Variants in LDB2 observed in about 807,000 individuals in gnomAD.
The protein encoded by LDB2 is LIM domain binding 2, also known as LIM domain-binding protein 2.
In LDB2, 12 loss-of-function variants were observed where a neutral mutation model predicts 44.3. That is an observed-to-expected ratio of 0.27 (90% CI 0.17 to 0.44). LDB2 has a LOEUF of 0.44. Among genes scored for constraint, LDB2 ranks in the 20% least tolerant of loss-of-function variants. The pLI is 1.00. For synonymous variants in LDB2, 164 were observed against 174.8 expected (o/e 0.94, Z 0.49); for missense variants, 344 against 473.5 (o/e 0.73, Z 2.54).
intron 1 of LDB2, among the ~76,000 whole-genome samples, chr4:16,780,892 T>C (rs1400598485): frequency 6.6e-6 from 1 of 152,140 alleles, no homozygotes; most frequent in African/African-American, 2.4e-5. Context: ...TTATCCACAG[T>C]GAGATGTCTA....
rs1033327449 is a variant in LDB2 at position 16,574,770 on chromosome 4, G to C, written c.615+11152C>G. 4.6e-5 allele frequency among the ~76,000 whole-genome samples: 7 copies of C among 152,218 alleles called. No homozygotes were observed. The East Asian group carries it at 7.7e-4, about 17-fold the overall frequency. ...TTATTATGCTTCTTCTGTTTGCCAG[G>C]CTCTTTCAAACTGTGGTCCATCTAA... On this transcript the variant is annotated intron_variant, in intron 5 of 7. Coordinates refer to ENST00000304523, the MANE Select transcript of LDB2 (RefSeq NM_001290.5).
intron 5 of LDB2, among the ~76,000 whole-genome samples, chr4:16,528,372 T>TA (rs1728978295): frequency 6.6e-6 from 1 of 152,334 alleles, no homozygotes; most frequent in East Asian, 1.9e-4. Context: ...AAAAATATTT[T>TA]AAATAAGGTA....
chr4:16,806,360 T>A (rs1778794490), intron 1 of LDB2, among the ~76,000 whole-genome samples: 1 of 152,192 alleles, frequency 6.6e-6, no homozygotes, highest in African/African-American at 2.4e-5. Context: ...GTGGGGTGTA[T>A]CTTTCTTTGT....
At chr4:16,830,896 G>GTTTAATT (rs1213105228) in intron 1 of LDB2, among the ~76,000 whole-genome samples, 1 of 152,178 alleles carries the variant, frequency 6.6e-6, no homozygotes, top group East Asian at 1.9e-4. Context: ...AGGCTGCAGG[G>GTTTAATT]TTGAGAATAA....
intron 1 of LDB2, among the ~76,000 whole-genome samples, chr4:16,871,287 G>A (rs56200594): frequency 0.21 from 31,415 of 152,078 alleles, 3,853 homozygotes; most frequent in South Asian, 0.4. Flanking sequence ...GCCATAGTGG[G>A]AGTATTTACT....
At chr4:16,584,588 C>T (rs956099278) in intron 5 of LDB2, among the ~76,000 whole-genome samples, 1 of 152,222 alleles carries the variant, frequency 6.6e-6, no homozygotes, top group African/African-American at 2.4e-5. Flanking sequence ...AAGAACCTGA[C>T]ATGCAGCAAG....
chr4:16,514,637 A>G (rs889141637), intron 5 of LDB2, among the ~76,000 whole-genome samples: 2 of 151,974 alleles, frequency 1.3e-5, no homozygotes, highest in Non-Finnish European at 1.5e-5. Context: ...CTTTTCTTTC[A>G]TTTGTAATTT....
intron 2 of LDB2, among the ~76,000 whole-genome samples, chr4:16,609,163 T>C (rs1277233399): frequency 6.6e-6 from 1 of 152,032 alleles, no homozygotes; most frequent in Admixed American, 6.5e-5. Context: ...AACCACCTCC[T>C]CCCAGCCAAG....
At chr4:16,888,634 G>T (rs963491011) in intron 1 of LDB2, 1 of 761,060 alleles carries the variant, frequency 1.3e-6, no homozygotes, top group Non-Finnish European at 1.6e-6. Flanking sequence ...TATTTTTAAA[G>T]ATACTTTTAA....
intron 1 of LDB2, among the ~76,000 whole-genome samples, chr4:16,864,667 G>A (rs541521587): frequency 6.6e-6 from 1 of 152,312 alleles, no homozygotes; most frequent in African/African-American, 2.4e-5. Flanking sequence ...GCTCACCCCT[G>A]TAATCTTAGC....
chr4:16,544,302 G>C (rs1227580796), intron 5 of LDB2, among the ~76,000 whole-genome samples: 4 of 152,192 alleles, frequency 2.6e-5, no homozygotes, highest in South Asian at 2.1e-4. Flanking sequence ...GCCAGCGGCA[G>C]GGAGCATGCT....
chr4:16,658,369 C>T (rs1578538661), intron 2 of LDB2, among the ~76,000 whole-genome samples: 1 of 152,288 alleles, frequency 6.6e-6, no homozygotes, highest in Middle Eastern at 3.4e-3. Flanking sequence ...CTCTCTTATA[C>T]CAGTGTCTCC....
At chr4:16,588,047 A>C (rs1209616180) in intron 4 of LDB2, among the ~76,000 whole-genome samples, 1 of 150,858 alleles carries the variant, frequency 6.6e-6, no homozygotes, top group Non-Finnish European at 1.5e-5. Flanking sequence ...TAGAGGAGAG[A>C]CTTAAATTTA....
intron 1 of LDB2, among the ~76,000 whole-genome samples, chr4:16,897,918 A>ATATATATACACACATATG (rs1725656587): frequency 5.7e-5 from 1 of 17,480 alleles, no homozygotes; most frequent in Non-Finnish European, 9.1e-5. Flanking sequence ...ATATATATAT[A>ATATATATACACACATATG]TATATATATA....
At chr4:16,606,584 T>G (rs1204432620) in intron 2 of LDB2, among the ~76,000 whole-genome samples, 1 of 152,172 alleles carries the variant, frequency 6.6e-6, no homozygotes, top group Non-Finnish European at 1.5e-5. Context: ...ATGTAAATGA[T>G]AAAGGTAAAT....
At chr4:16,895,167 CTG>C (rs1724606176) in intron 1 of LDB2, among the ~76,000 whole-genome samples, 1 of 149,406 alleles carries the variant, frequency 6.7e-6, no homozygotes, top group Non-Finnish European at 1.5e-5. Flanking sequence ...TAAAGGGACA[CTG>C]TTGGTAATTT....
rs548929924 is a variant in LDB2, at chr4:16,818,098, C to T, written c.133-58838G>A. Among the ~76,000 whole-genome samples the T allele has an allele frequency of 2.0e-5, 3 of 152,220 alleles. No homozygotes were observed. The South Asian group carries it at 6.2e-4, about 32-fold the overall frequency. On this transcript the variant is annotated intron_variant, in intron 1 of 7. Transcript: ENST00000304523. Reference sequence around the variant, plus strand: ...GGGTGGCTGGGCTGACCTAGACAGTCCTTGAGACTCTCCACATGCCTGGCC... The same window carrying T: ...GGGTGGCTGGGCTGACCTAGACAGTTCTTGAGACTCTCCACATGCCTGGCC...
chr4:16,610,338 G>A (rs1344659074), intron 2 of LDB2, among the ~76,000 whole-genome samples: 2 of 152,070 alleles, frequency 1.3e-5, no homozygotes, highest in Non-Finnish European at 2.9e-5. Flanking sequence ...CTCCATCAAG[G>A]GTGCAGAACG....
chr4:16,780,854 G>C (rs1261078174), intron 1 of LDB2, among the ~76,000 whole-genome samples: 2 of 152,088 alleles, frequency 1.3e-5, no homozygotes, highest in Non-Finnish European at 2.9e-5. Flanking sequence ...TGTCAGTGAG[G>C]CAATAGCTTC....
Sources: gnomAD v4.1 joint callset for allele counts (sites outside exome capture counted in the v4.1 genomes callset) on GRCh38, gnomAD v4.1.1 for gene constraint, MANE v1.5 for transcripts, NCBI Gene and HGNC (gene_info 2026-07-23, HGNC 2026-07-21) for gene names.